Variants in RYR3 observed in about 807,000 individuals in gnomAD.
RYR3 encodes the protein ryanodine receptor 3.
RYR3 carries 207 observed loss-of-function variants against 584.3 expected under a neutral mutation model. The ratio of observed to expected loss-of-function variants is 0.35; its 90% CI spans 0.32 to 0.40. The LOEUF is 0.40. Among genes scored for constraint, RYR3 ranks in the 10% least tolerant of loss-of-function variants. The probability of loss-of-function intolerance (pLI) is 1.00; values close to 1 mark genes in which losing one functional copy is unlikely to be tolerated. For synonymous variants in RYR3, 2,416 were observed against 2,248.5 expected (o/e 1.07, Z -2.11); for missense variants, 5,616 against 6,089.2 (o/e 0.92, Z 2.59).
chr15:33,634,346 C>T (rs537122200), intron 24 of RYR3, among the ~76,000 whole-genome samples: 18 of 152,258 alleles, frequency 1.2e-4, no homozygotes, highest in Non-Finnish European at 2.4e-4. Flanking sequence ...CCACCACACC[C>T]GGCCAAAAGT....
chr15:33,505,638 C>T (rs969825665), intron 3 of RYR3, among the ~76,000 whole-genome samples: 4 of 152,120 alleles, frequency 2.6e-5, no homozygotes, highest in African/African-American at 7.2e-5. Context: ...ACTACAGGCG[C>T]CCGCCACCAT....
intron 12 of RYR3, among the ~76,000 whole-genome samples, chr15:33,575,480 A>G (rs1295629765): frequency 6.6e-6 from 1 of 152,138 alleles, no homozygotes; most frequent in Non-Finnish European, 1.5e-5. Context: ...TCACACAACT[A>G]CATGGGAAGT....
Position 33,861,125 on chromosome 15 carries a change from C to G in RYR3, c.14412C>G (p.Thr4804=). The G allele has an allele frequency of 6.3e-7, 1 of 1,597,946 alleles. No individual in the cohort carries two copies. The highest frequency in any genetic ancestry group is 8.5e-7 in the Non-Finnish European group (1 of 1,171,398). ...TTGGCAATGACTACTTTGACACAAC[C>G]CCTCATGGTTTTGAAACACATACAT... ...CGIGNDYFDT[T]PHGFETHTLQ... The change falls in exon 102 of 104, where the codon ACC becomes ACG. Residue 4804 remains threonine (T), a synonymous_variant. Coordinates refer to ENST00000634891, the MANE Select transcript of RYR3 (RefSeq NM_001036.6).
intron 2 of RYR3, among the ~76,000 whole-genome samples, chr15:33,485,821 C>A (rs762163586): frequency 1.3e-5 from 2 of 151,954 alleles, no homozygotes; most frequent in Non-Finnish European, 2.9e-5. Context: ...TGTTGCCAGG[C>A]AAGTATGATA....
rs543299611 is a variant in RYR3 at position 33,766,880 on chromosome 15, G to A, written c.8706-1778G>A. ...ATGGAGGAGAGGCACTTGGGGACTC[G>A]GGGCCCTCATAACTCTGGGCTAAAG... is the stretch of plus-strand genomic sequence containing the variant. On this transcript the variant is annotated intron_variant, in intron 60 of 103. Coordinates refer to ENST00000634891, the MANE Select transcript of RYR3 (RefSeq NM_001036.6). Among the ~76,000 whole-genome samples the A allele has an allele frequency of 9.2e-5, 14 of 152,278 alleles. No individual in the cohort carries two copies. The South Asian group carries it at 2.9e-3, about 32-fold the overall frequency.
rs147928703 is a variant in RYR3, at chr15:33,423,911, G to T, written c.52-49508G>T. 6.6e-5 allele frequency among the ~76,000 whole-genome samples: 10 copies of T among 152,178 alleles called. No individual in the cohort carries two copies. In the South Asian group the frequency reaches 2.1e-3, roughly 32 times the overall value. ...TAAAAATTTTAAAGTAAGAAAACCC[G>T]TTGCTCTGAAATATCCTCCAATGCA... On this transcript the variant is annotated intron_variant, in intron 1 of 103. Coordinates refer to ENST00000634891, the MANE Select transcript of RYR3 (RefSeq NM_001036.6).
chr15:33,563,501 G>A (rs1372645800), intron 11 of RYR3, among the ~76,000 whole-genome samples: 1 of 152,180 alleles, frequency 6.6e-6, no homozygotes, highest in Non-Finnish European at 1.5e-5. Context: ...TTTGAGTGGT[G>A]CATCACAGCC....
intron 1 of RYR3, among the ~76,000 whole-genome samples, chr15:33,434,486 C>T (rs994157302): frequency 6.6e-6 from 1 of 152,148 alleles, no homozygotes; most frequent in South Asian, 2.1e-4. Flanking sequence ...TATCTTCTCT[C>T]TGTAATATAG....
chr15:33,607,136 C>T lies in RYR3; in HGVS notation c.2164+3772C>T, dbSNP rs79520366. 1.8e-4 allele frequency among the ~76,000 whole-genome samples: 27 copies of T among 152,252 alleles called. No individual in the cohort carries two copies. In the South Asian group the frequency reaches 5.6e-3, roughly 32 times the overall value. Reference sequence around the variant, plus strand: ...GAGCAGCGCTTTTCTGTCTTTGGATCCCCTGTCATTCCAAATGGCTAAATA... The same window carrying T: ...GAGCAGCGCTTTTCTGTCTTTGGATTCCCTGTCATTCCAAATGGCTAAATA... On this transcript the variant is annotated intron_variant, in intron 18 of 103. Coordinates refer to ENST00000634891, the MANE Select transcript of RYR3 (RefSeq NM_001036.6).
intron 51 of RYR3, 111 bp from the exon 52 acceptor site, chr15:33,742,255 G>A: frequency 2.8e-6 from 2 of 725,102 alleles, no homozygotes; most frequent in Non-Finnish European, 4.9e-6. Flanking sequence ...GGATTGGCTG[G>A]CTGATCAAAT....
chr15:33,802,100 T>G (rs1392367019), intron 69 of RYR3, 139 bp downstream of exon 69: 6 of 774,302 alleles, frequency 7.7e-6, no homozygotes, highest in South Asian at 1.4e-5. Context: ...TGCTGCTGTT[T>G]CTTTGAGAAC....
In RYR3 at chr15:33,722,726, G is replaced by A; in HGVS notation, c.6631G>A (p.Glu2211Lys). 1 of 1,612,470 alleles carries A rather than the reference G, an allele frequency of 6.2e-7. No individual in the cohort carries two copies. Among genetic ancestry groups the A allele is most frequent in the Non-Finnish European group, 8.5e-7 (1 of 1,179,404 alleles). The change falls in exon 44 of 104, where the codon GAA (glutamate) becomes AAA (lysine). Residue 2211 changes from glutamate (E) to lysine (K), a missense_variant. This residue lies in a region of RYR3 where 1,280 missense variants were observed against 1,426.2 expected (regional missense o/e 0.90). Coordinates refer to ENST00000634891, the MANE Select transcript of RYR3 (RefSeq NM_001036.6). ...CCTGTCTTCCTCAGGTGAGAGTGTGGAAGAAAACGCCAGCGTTGTGGTCAA... is the reference window on the plus strand; with the variant it reads ...CCTGTCTTCCTCAGGTGAGAGTGTGAAAGAAAACGCCAGCGTTGTGGTCAA... ...FAVFVNSESV[E>K]ENASVVVKLL...
chr15:33,748,508 T>A lies in RYR3; in HGVS notation c.8177T>A (p.Val2726Asp). Residue 2726 changes from valine to aspartate, a missense_variant, in exon 55 of 104, where the codon GTT becomes GAT. Val to Asp is a radical substitution (Grantham distance 152). This residue lies in a region of RYR3 where 1,280 missense variants were observed against 1,426.2 expected (regional missense o/e 0.90). Coordinates refer to ENST00000634891, the MANE Select transcript of RYR3 (RefSeq NM_001036.6). The stretch of plus-strand genomic sequence containing the variant: ...CCTGCTCCCCTCGACCTCTCAAACG[T>A]TGTGCTCTCCAGAGAGCTCCAGGTC... ...YSPAPLDLSNVVLSRELQGMV... is the reference protein window; with the variant it reads ...YSPAPLDLSNDVLSRELQGMV... 6.2e-7 allele frequency: 1 copy of A among 1,613,228 alleles called. No homozygotes were observed. Among genetic ancestry groups the A allele is most frequent in the Non-Finnish European group, 8.5e-7 (1 of 1,179,680 alleles).
rs766418770 is a variant in RYR3, at chr15:33,810,589, G to A, written c.10137G>A (p.Leu3379=). ...TCAAGAAAATGCTGCCCATTGGTTT[G>A]AATATGTGTACTCCAGGCGACCAGG... ...AALKKMLPIG[L]NMCTPGDQEL... is the part of the protein sequence containing the mutation. Residue 3379 remains leucine, a synonymous_variant, in exon 71 of 104, where the codon TTG becomes TTA. Transcript: ENST00000634891. 1.2e-6 allele frequency: 2 copies of A among 1,613,912 alleles called. No homozygotes were observed. Among genetic ancestry groups the A allele is most frequent in the African/African-American group, 2.7e-5 (2 of 74,934 alleles).
chr15:33,854,693 TAAG>T, intron 97 of RYR3, 70 bp from the exon 98 acceptor site: 2 of 1,528,882 alleles, frequency 1.3e-6, no homozygotes, highest in Non-Finnish European at 1.8e-6. Flanking sequence ...TCTCCCAAAA[TAAG>T]AAAAAATGTT....
At chr15:33,626,990 C>G (rs561691494) in intron 20 of RYR3, among the ~76,000 whole-genome samples, 4 of 152,250 alleles carry the variant, frequency 2.6e-5, no homozygotes, top group African/African-American at 9.6e-5. Flanking sequence ...ACACAGAGTC[C>G]TCACTGGGAC....
In RYR3 at chr15:33,311,005, G is replaced by T. The variant is rs12912494; in HGVS notation, c.-41G>T. 6.5e-7 allele frequency: 1 copy of T among 1,539,816 alleles called. No individual in the cohort carries two copies. Among genetic ancestry groups the T allele is most frequent in the Non-Finnish European group, 8.8e-7 (1 of 1,135,780 alleles). ...CGCCGAGCGGCTGCCGGGGGAAGCAGAGGCGCCGGAGGCTGGGGCACCGCC... is the reference window on the plus strand; with the variant it reads ...CGCCGAGCGGCTGCCGGGGGAAGCATAGGCGCCGGAGGCTGGGGCACCGCC... On this transcript the variant is annotated 5_prime_UTR_variant, in exon 1 of 104. Transcript: ENST00000634891. The surrounding 1 kb of genome is among the most constrained non-coding windows in gnomAD (Gnocchi z 4.4).
chr15:33,361,663 A>C (rs983362238), intron 1 of RYR3, among the ~76,000 whole-genome samples: 1 of 152,178 alleles, frequency 6.6e-6, no homozygotes, highest in African/African-American at 2.4e-5. Flanking sequence ...TTCCTTTACA[A>C]GTTCCCCAGC....
intron 27 of RYR3, among the ~76,000 whole-genome samples, chr15:33,643,424 G>A (rs546109084): frequency 6.6e-6 from 1 of 152,254 alleles, no homozygotes; most frequent in Admixed American, 6.5e-5. Flanking sequence ...CTTCTGCTTT[G>A]GTCTGTTTTG....
Sources: gnomAD v4.1 joint callset for allele counts (sites outside exome capture counted in the v4.1 genomes callset) on GRCh38, gnomAD v4.1.1 for gene constraint, gnomAD v4.1.1 regional missense constraint, Gnocchi (gnomAD v3.1) non-coding constraint, MANE v1.5 for transcripts, NCBI Gene and HGNC (gene_info 2026-07-23, HGNC 2026-07-21) for gene names.